MAF: variants seen among roughly 807,000 people sequenced by gnomAD.
The protein encoded by MAF is transcription factor Maf.
Under a neutral mutation model 22.0 loss-of-function variants are expected in MAF, and 10 were observed. That is an observed-to-expected ratio of 0.45 (90% CI 0.28 to 0.77). The LOEUF (loss-of-function observed/expected upper bound fraction) is 0.77. MAF is among the 30% of genes least tolerant of loss of function. The pLI, the probability that MAF is intolerant of heterozygous loss-of-function variation, is 0.12. For synonymous variants in MAF, 337 were observed against 255.8 expected (o/e 1.32, Z -3.03); for missense variants, 544 against 548.4 (o/e 0.99, Z 0.08).
chr16:79,233,125 C>T, the MAF span, among the ~76,000 whole-genome samples: 2 of 151,948 alleles, frequency 1.3e-5, no homozygotes, highest in African/African-American at 4.8e-5. Flanking sequence ...TAGGCGTGAA[C>T]CACCGCGCCC....
chr16:79,345,530 C>T, the MAF span, among the ~76,000 whole-genome samples: 1 of 151,788 alleles, frequency 6.6e-6, no homozygotes, highest in Non-Finnish European at 1.5e-5. Flanking sequence ...GAGTTCAAGA[C>T]CAGCCTGGCC....
the MAF span, among the ~76,000 whole-genome samples, chr16:79,287,802 C>A: frequency 6.6e-6 from 1 of 152,074 alleles, no homozygotes; most frequent in African/African-American, 2.4e-5. Context: ...TTCTTTCATT[C>A]ACTCACTCAT....
the MAF span, among the ~76,000 whole-genome samples, chr16:79,377,072 A>C: frequency 6.6e-6 from 1 of 152,088 alleles, no homozygotes; most frequent in Non-Finnish European, 1.5e-5. Flanking sequence ...TGGTATTTCT[A>C]GTTCTAGATC....
chr16:79,219,224 G>A, the MAF span, among the ~76,000 whole-genome samples: 1 of 152,148 alleles, frequency 6.6e-6, no homozygotes, highest in Non-Finnish European at 1.5e-5. Flanking sequence ...GATTTTATCT[G>A]ATGTTCACCA....
the MAF span, among the ~76,000 whole-genome samples, chr16:79,274,110 A>G: frequency 6.6e-6 from 1 of 151,852 alleles, no homozygotes; most frequent in Non-Finnish European, 1.5e-5. Context: ...ATGCGCCACC[A>G]TGACTGGTTA....
the MAF span, among the ~76,000 whole-genome samples, chr16:79,550,966 G>T: frequency 1.3e-5 from 2 of 152,112 alleles, no homozygotes; most frequent in African/African-American, 4.8e-5. Flanking sequence ...CAGGACCGTG[G>T]TTCCTTTGGA....
chr16:79,207,060 G>T, the MAF span, among the ~76,000 whole-genome samples: 1 of 152,166 alleles, frequency 6.6e-6, no homozygotes, highest in Admixed American at 6.5e-5. Context: ...AGTGGTTATA[G>T]CCTCTCCTGG....
chr16:79,593,210 C>T (rs757771942), downstream of MAF, among the ~76,000 whole-genome samples: 4 of 152,000 alleles, frequency 2.6e-5, no homozygotes, highest in Admixed American at 2.0e-4. Context: ...TATGTGAATA[C>T]GGAAGTAAGT....
downstream of MAF, among the ~76,000 whole-genome samples, chr16:79,585,098 G>A (rs1419001772): frequency 1.3e-5 from 2 of 152,110 alleles, no homozygotes; most frequent in African/African-American, 4.8e-5. Context: ...GCCAATAAGA[G>A]GTGATAAGAA....
the MAF span, among the ~76,000 whole-genome samples, chr16:79,414,184 G>A: frequency 6.6e-6 from 1 of 152,210 alleles, no homozygotes; most frequent in African/African-American, 2.4e-5. Context: ...GTGTGAGAGT[G>A]TCTTGGTCCA....
the MAF span, among the ~76,000 whole-genome samples, chr16:79,402,474 C>T: frequency 1.3e-5 from 2 of 152,168 alleles, no homozygotes; most frequent in South Asian, 2.1e-4. Flanking sequence ...ACTTCCAGGC[C>T]CAGGTGGCCA....
the MAF span, among the ~76,000 whole-genome samples, chr16:79,488,494 C>T: frequency 4.6e-3 from 707 of 152,252 alleles, 8 homozygotes; most frequent in Admixed American, 6.3e-3. Context: ...TATAATGTAA[C>T]ATTCCACCAA....
At chr16:79,236,812 T>C in the MAF span, among the ~76,000 whole-genome samples, 2 of 151,864 alleles carry the variant, frequency 1.3e-5, 1 homozygote. Flanking sequence ...GTGCACGCCA[T>C]CTCCGATGAC....
chr16:79,385,041 C>A, the MAF span, among the ~76,000 whole-genome samples: 13 of 152,182 alleles, frequency 8.5e-5, no homozygotes, highest in African/African-American at 2.9e-4. Flanking sequence ...CTGAGAACAG[C>A]TATAGCCATA....
At chr16:79,246,414 T>C in the MAF span, among the ~76,000 whole-genome samples, 3 of 152,010 alleles carry the variant, frequency 2.0e-5, no homozygotes, top group Non-Finnish European at 4.4e-5. Context: ...GCTATCTTTC[T>C]TATTTCATGG....
the MAF span, among the ~76,000 whole-genome samples, chr16:79,268,507 G>A: frequency 6.6e-6 from 1 of 152,126 alleles, no homozygotes; most frequent in Admixed American, 6.5e-5. Context: ...CGTAATATAG[G>A]TTAGCAATTG....
downstream of MAF, among the ~76,000 whole-genome samples, chr16:79,589,771 G>A (rs1368496483): frequency 1.3e-5 from 2 of 152,200 alleles, no homozygotes; most frequent in Admixed American, 6.5e-5. Context: ...AACCAAATTT[G>A]AACACAATCC....
rs1204014121 is a variant in MAF at position 79,599,468 on chromosome 16, A to C, written c.435T>G (p.Gly145=). The change falls in exon 1 of 2, where the codon GGT becomes GGG. Residue 145 remains glycine, a synonymous_variant. Coordinates refer to ENST00000326043, the MANE Select transcript of MAF (RefSeq NM_005360.5). ...CGCTGCCGCCCAAGGAGGCGCCGGC[A>C]CCGGCCCCGGCCGCCGCGGCCAGCT... ...AQQLAAAAGA[G]AGASLGGSGE... 17 of 1,362,904 alleles carry C rather than the reference A, an allele frequency of 1.2e-5. No individual in the cohort carries two copies. Among genetic ancestry groups the C allele is most frequent in the Admixed American group, 3.9e-5 (1 of 25,806 alleles). 84.4% of individuals were successfully genotyped at this position (1,362,904 alleles called of 1,614,324 possible).
chr16:79,364,159 C>T, the MAF span, among the ~76,000 whole-genome samples: 1 of 152,152 alleles, frequency 6.6e-6, no homozygotes, highest in Non-Finnish European at 1.5e-5. Flanking sequence ...GGAGCTTATA[C>T]ATCCTGTAGG....
Sources: allele counts gnomAD v4.1 joint callset (sites outside exome capture counted in the v4.1 genomes callset), GRCh38; gene constraint gnomAD v4.1.1; transcripts MANE v1.5; gene names NCBI Gene and HGNC (gene_info 2026-07-23, HGNC 2026-07-21).